Variants in KIF16B observed in about 807,000 individuals in gnomAD.
The protein encoded by KIF16B is kinesin family member 16B, also known as kinesin-like protein KIF16B.
Under a neutral mutation model 156.3 loss-of-function variants are expected in KIF16B, and 98 were observed. That is an observed-to-expected ratio of 0.63 (90% CI 0.53 to 0.74). The LOEUF is 0.74. Among genes scored for constraint, KIF16B ranks in the 30% least tolerant of loss-of-function variants. The pLI is 0.00. For synonymous variants in KIF16B, 564 were observed against 583.7 expected, an observed-to-expected ratio of 0.97 and a Z score of 0.49; for missense variants, 1,421 against 1,606.5, an observed-to-expected ratio of 0.88 and a Z score of 1.97.
intron 12 of KIF16B, among the ~76,000 whole-genome samples, chr20:16,457,833 G>A (rs771869826): frequency 1.6e-4 from 25 of 151,948 alleles, no homozygotes; most frequent in Non-Finnish European, 2.9e-4. Flanking sequence ...ATTTAGCCAC[G>A]CCGGCACACT....
chr20:16,413,833 C>T (rs867247469), intron 15 of KIF16B, among the ~76,000 whole-genome samples: 1 of 151,302 alleles, frequency 6.6e-6, no homozygotes, highest in Non-Finnish European at 1.5e-5. Flanking sequence ...GGTGGAGAAA[C>T]CAAACTCTGT....
At chr20:16,353,809 C>T (rs999547135) in intron 23 of KIF16B, among the ~76,000 whole-genome samples, 3 of 152,156 alleles carry the variant, frequency 2.0e-5, no homozygotes, top group Non-Finnish European at 4.4e-5. Context: ...ACAAGGTATC[C>T]ATATGGGGTG....
intron 25 of KIF16B, among the ~76,000 whole-genome samples, chr20:16,284,253 T>C (rs2063189384): frequency 6.6e-6 from 1 of 152,202 alleles, no homozygotes; most frequent in Non-Finnish European, 1.5e-5. Flanking sequence ...GACCTAATTG[T>C]ACCTCCAAGA....
At chr20:16,565,342 G>T (rs548564281) in intron 1 of KIF16B, among the ~76,000 whole-genome samples, 1 of 152,218 alleles carries the variant, frequency 6.6e-6, no homozygotes, top group African/African-American at 2.4e-5. Flanking sequence ...TGTAGTTTCT[G>T]GAAAATTTGA....
intron 17 of KIF16B, among the ~76,000 whole-genome samples, chr20:16,386,888 A>G (rs538937391): frequency 6.6e-6 from 1 of 152,180 alleles, no homozygotes; most frequent in Admixed American, 6.5e-5. Context: ...AGAGGATCCA[A>G]TGAGGGTACT....
intron 25 of KIF16B, among the ~76,000 whole-genome samples, chr20:16,282,774 G>T (rs2063166154): frequency 6.6e-6 from 1 of 152,118 alleles, no homozygotes; most frequent in Non-Finnish European, 1.5e-5. Context: ...CCCATGCTGG[G>T]GGCCCTACAC....
At chr20:16,465,893 C>T (rs544669926) in intron 12 of KIF16B, among the ~76,000 whole-genome samples, 13 of 152,306 alleles carry the variant, frequency 8.5e-5, no homozygotes, top group African/African-American at 2.9e-4. Flanking sequence ...CAAGCCCTTG[C>T]CTGTCTTGTT....
Position 16,573,393 on chromosome 20 carries a change from G to A in KIF16B, c.-118C>T. 1 of 1,149,966 alleles carries A rather than the reference G, an allele frequency of 8.7e-7. No homozygotes were observed. Among genetic ancestry groups the A allele is most frequent in the Non-Finnish European group, 1.2e-6 (1 of 806,346 alleles). The allele number at this position is 1,149,966 out of a possible 1,614,324, so 71.2% of individuals were successfully genotyped here. A position where few individuals can be genotyped will look rare whatever the true frequency, so the allele number is the denominator to read the frequency against. On this transcript the variant is annotated 5_prime_UTR_variant, in exon 1 of 26. Transcript: ENST00000354981. The stretch of plus-strand genomic sequence containing the variant: ...ACTTCCCTCTCGCCCCCGCCCCTCT[G>A]CTCCCGGCCGGACCTGGAGTTCCGC...
At chr20:16,467,645 TACA>T (rs1429222168) in intron 12 of KIF16B, among the ~76,000 whole-genome samples, 2 of 152,020 alleles carry the variant, frequency 1.3e-5, no homozygotes, top group South Asian at 2.1e-4. Flanking sequence ...AGACAAGAAT[TACA>T]ACAACTATTC....
intron 12 of KIF16B, among the ~76,000 whole-genome samples, chr20:16,443,080 A>C (rs1600409757): frequency 6.6e-6 from 1 of 152,300 alleles, no homozygotes; most frequent in East Asian, 1.9e-4. Flanking sequence ...TGTGATGATC[A>C]ATGGAAATGT....
At chr20:16,403,043 T>C (rs149489712) in intron 17 of KIF16B, among the ~76,000 whole-genome samples, 162 of 152,314 alleles carry the variant, frequency 1.1e-3, no homozygotes, top group Non-Finnish European at 1.7e-3. Context: ...TGAGTGAAGA[T>C]AGCGTTTTGG....
At chr20:16,299,456 A>ACC (rs1222525230) in intron 25 of KIF16B, among the ~76,000 whole-genome samples, 2 of 152,184 alleles carry the variant, frequency 1.3e-5, no homozygotes, top group African/African-American at 4.8e-5. Context: ...TGGTTGTATT[A>ACC]CCCTTTGCAT....
chr20:16,569,757 T>C lies in KIF16B; in HGVS notation c.47+3472A>G, dbSNP rs572312038. Among the ~76,000 whole-genome samples the C allele has an allele frequency of 1.3e-4, 20 of 152,354 alleles. No individual in the cohort carries two copies. In the South Asian group the frequency reaches 3.7e-3, roughly 28 times the overall value. ...CCAACTGAAACTTCTCCAGTGCCAATGAATTTTGTAGGTGACTTTTTAAAA... is the reference window on the plus strand; with the variant it reads ...CCAACTGAAACTTCTCCAGTGCCAACGAATTTTGTAGGTGACTTTTTAAAA... On this transcript the variant is annotated intron_variant, in intron 1 of 25. Coordinates refer to ENST00000354981, the MANE Select transcript of KIF16B (RefSeq NM_024704.5).
At chr20:16,491,363 T>C (rs1052071859) in intron 12 of KIF16B, among the ~76,000 whole-genome samples, 1 of 152,116 alleles carries the variant, frequency 6.6e-6, no homozygotes, top group African/African-American at 2.4e-5. Flanking sequence ...GTCTGGACTT[T>C]AGAAAATGAA....
intron 7 of KIF16B, among the ~76,000 whole-genome samples, chr20:16,506,678 C>T (rs1011821678): frequency 3.9e-5 from 6 of 151,986 alleles, no homozygotes; most frequent in Admixed American, 1.3e-4. Context: ...CTATATTCCT[C>T]GCTTCTGAAT....
At chr20:16,386,562 T>C (rs2065235526) in intron 17 of KIF16B, among the ~76,000 whole-genome samples, 1 of 151,472 alleles carries the variant, frequency 6.6e-6, no homozygotes, top group African/African-American at 2.4e-5. Context: ...AGGTGGTGGT[T>C]TTGGGAGAAT....
chr20:16,473,520 G>C (rs2067722880), intron 12 of KIF16B, among the ~76,000 whole-genome samples: 1 of 152,178 alleles, frequency 6.6e-6, no homozygotes, highest in Non-Finnish European at 1.5e-5. Context: ...CCATGGAAGA[G>C]ATCGCAGGGA....
chr20:16,561,119 G>A lies in KIF16B; in HGVS notation c.47+12110C>T, dbSNP rs565245927. ...AGCCTAGCCAACATGGTGAAACCCC[G>A]TCTCTACTAAAACTGCAAAAAAAAA... On this transcript the variant is annotated intron_variant, in intron 1 of 25. Transcript: ENST00000354981. Among the ~76,000 whole-genome samples the A allele has an allele frequency of 1.6e-4, 25 of 152,136 alleles. 1 individual carries two copies. Among genetic ancestry groups the A allele is most frequent in the African/African-American group, 4.3e-4 (18 of 41,496 alleles).
At chr20:16,281,352 A>C (rs1169690634) in intron 25 of KIF16B, among the ~76,000 whole-genome samples, 1 of 152,158 alleles carries the variant, frequency 6.6e-6, no homozygotes, top group Non-Finnish European at 1.5e-5. Flanking sequence ...GGTCTCATTT[A>C]ACTCGCAGTA....
Sources: gnomAD v4.1 joint callset for allele counts (sites outside exome capture counted in the v4.1 genomes callset) on GRCh38, gnomAD v4.1.1 for gene constraint, MANE v1.5 for transcripts, NCBI Gene and HGNC (gene_info 2026-07-23, HGNC 2026-07-21) for gene names.